The following PAFAH1B1 variants were observed in gnomAD, a reference collection of about 807,000 sequenced individuals.
PAFAH1B1 encodes platelet-activating factor acetylhydrolase IB subunit beta.
A neutral mutation model predicts 57.5 loss-of-function variants in PAFAH1B1; 2 were observed. The observed-to-expected ratio is 0.03, with a 90% CI of 0.01 to 0.11. PAFAH1B1 has a LOEUF of 0.11. Ranked by LOEUF, PAFAH1B1 falls within the 10% of genes least tolerant of loss-of-function variation. The pLI, the probability that PAFAH1B1 is intolerant of heterozygous loss-of-function variation, is 1.00. For synonymous variants in PAFAH1B1, 152 were observed against 169.6 expected (o/e 0.90, Z 0.81); for missense variants, 257 against 512.0 (o/e 0.50, Z 4.81).
At chr17:2,599,480 G>A (rs1366816359) in intron 1 of PAFAH1B1, among the ~76,000 whole-genome samples, 1 of 152,088 alleles carries the variant, frequency 6.6e-6, no homozygotes, top group African/African-American at 2.4e-5. Flanking sequence ...AAGGCTTTTG[G>A]CATTTGAGTA....
In PAFAH1B1 at chr17:2,650,332, CA is replaced by C. The variant is rs1420982769; in HGVS notation, c.32+12016del. Among the ~76,000 whole-genome samples, 4 of 152,066 alleles carry C rather than the reference CA, an allele frequency of 2.6e-5. No homozygotes were observed. In the East Asian group the frequency reaches 7.7e-4, roughly 29 times the overall value. ...TTCAAGACCAGCTTGGACAACATGG[CA>C]AAACCCCATCTCTACTGAAAATACG... On this transcript the variant is annotated intron_variant, in intron 2 of 10. Coordinates refer to ENST00000397195, the MANE Select transcript of PAFAH1B1 (RefSeq NM_000430.4).
At chr17:2,659,784 G>A (rs1369125391) in intron 2 of PAFAH1B1, among the ~76,000 whole-genome samples, 6 of 152,036 alleles carry the variant, frequency 3.9e-5, no homozygotes, top group Non-Finnish European at 5.9e-5. Context: ...TCAGTGAGCC[G>A]AGATCATGCC....
intron 1 of PAFAH1B1, among the ~76,000 whole-genome samples, chr17:2,607,682 C>G (rs1266694980): frequency 1.3e-5 from 2 of 152,022 alleles, no homozygotes; most frequent in African/African-American, 4.8e-5. Context: ...CAGGGTTTCA[C>G]CATGTTGGGG....
chr17:2,595,394 C>T (rs964421350), intron 1 of PAFAH1B1, among the ~76,000 whole-genome samples: 2 of 148,774 alleles, frequency 1.3e-5, no homozygotes. Context: ...TAATGTCATC[C>T]CTCCCTTTTT....
intron 1 of PAFAH1B1, among the ~76,000 whole-genome samples, chr17:2,618,515 G>A (rs2068376568): frequency 6.6e-6 from 1 of 152,062 alleles, no homozygotes; most frequent in South Asian, 2.1e-4. Context: ...TAATCTCATG[G>A]ATTTAGCTAA....
intron 2 of PAFAH1B1, among the ~76,000 whole-genome samples, chr17:2,658,097 TCTC>T (rs778867962): frequency 6.6e-6 from 1 of 152,070 alleles, no homozygotes; most frequent in Non-Finnish European, 1.5e-5. Context: ...TAAGGCAAAA[TCTC>T]CTCCTCTCTG....
chr17:2,677,577 G>A (rs546264042), intron 9 of PAFAH1B1, among the ~76,000 whole-genome samples: 10 of 152,266 alleles, frequency 6.6e-5, no homozygotes, highest in East Asian at 5.8e-4. Context: ...ACTCTCGGCC[G>A]GGCACGGTGG....
Position 2,667,093 on chromosome 17 carries a change from G to T in PAFAH1B1, c.294G>T (p.Pro98=), listed in dbSNP as rs150061782. ...KRDPKEWIPR[P]PEKYALSGHR... is the part of the protein sequence containing the mutation. ...ACCCAAAAGAATGGATTCCCCGTCCGCCAGAAAAATATGCATTGAGTGGTC... is the reference window on the plus strand; with the variant it reads ...ACCCAAAAGAATGGATTCCCCGTCCTCCAGAAAAATATGCATTGAGTGGTC... Residue 98 remains proline (P), a synonymous_variant, in exon 5 of 11, where the codon CCG becomes CCT. Transcript: ENST00000397195. 2 of 1,613,798 alleles carry T rather than the reference G, an allele frequency of 1.2e-6. No homozygotes were observed. Among genetic ancestry groups the T allele is most frequent in the South Asian group, 1.1e-5 (1 of 91,074 alleles).
chr17:2,647,866 T>C (rs1270904574), intron 2 of PAFAH1B1, among the ~76,000 whole-genome samples: 1 of 151,952 alleles, frequency 6.6e-6, no homozygotes, highest in Non-Finnish European at 1.5e-5. Flanking sequence ...TAGCCGGGCA[T>C]GGTGGCGGGC....
upstream of PAFAH1B1, among the ~76,000 whole-genome samples, chr17:2,593,575 T>G (rs556702074): frequency 6.8e-6 from 1 of 147,034 alleles, no homozygotes; most frequent in Non-Finnish European, 1.5e-5. Context: ...CCCCTCCCTC[T>G]TCCTGGCGGG....
rs35332619 is a variant in PAFAH1B1, at chr17:2,672,285, CAAAAA to C, written c.569-347_569-343del. Among the ~76,000 whole-genome samples, 31 of 69,592 alleles carry C rather than the reference CAAAAA, an allele frequency of 4.5e-4. 1 individual carries two copies. In the South Asian group the frequency reaches 0.015, roughly 34 times the overall value. The allele number at this position is 69,592 out of a possible 152,430, so 45.7% of individuals were successfully genotyped here. ...GGTAACAGAGCAAGTCCTTGCCTCA[CAAAAA>C]AAAAAAAAAAAAAAAAAAAAAATGT... On this transcript the variant is annotated intron_variant, in intron 6 of 10. Coordinates refer to ENST00000397195, the MANE Select transcript of PAFAH1B1 (RefSeq NM_000430.4).
chr17:2,631,387 A>G (rs945521761), intron 1 of PAFAH1B1, among the ~76,000 whole-genome samples: 2 of 152,102 alleles, frequency 1.3e-5, no homozygotes, highest in African/African-American at 4.8e-5. Flanking sequence ...TCTGGCCAGG[A>G]GGCTTCCCAC....
Position 2,683,623 on chromosome 17 carries a change from A to G in PAFAH1B1, c.*1821A>G, listed in dbSNP as rs2069420167. 2.0e-5 allele frequency: 3 copies of G among 152,500 alleles called. No individual in the cohort carries two copies. Among genetic ancestry groups the G allele is most frequent in the African/African-American group, 7.2e-5 (3 of 41,452 alleles). The allele number at this position is 152,500 out of a possible 1,614,324, so 9.4% of individuals were successfully genotyped here. A position where few individuals can be genotyped will look rare whatever the true frequency, so the allele number is the denominator to read the frequency against. The stretch of plus-strand genomic sequence containing the variant: ...GATGTCTCTGGAAGGGAAAGTTTTG[A>G]GAACTAATGGCTATTTTTGAGGACA... On this transcript the variant is annotated 3_prime_UTR_variant, in exon 11 of 11. Transcript: ENST00000397195.
At chr17:2,602,138 A>T (rs1455520610) in intron 1 of PAFAH1B1, among the ~76,000 whole-genome samples, 1 of 152,170 alleles carries the variant, frequency 6.6e-6, no homozygotes, top group Non-Finnish European at 1.5e-5. Flanking sequence ...GTAAAGATAA[A>T]AAAAAACCCC....
In PAFAH1B1 at chr17:2,676,618, T is replaced by A. The variant is rs745730592; in HGVS notation, c.1002+12T>A. 5 of 1,465,080 alleles carry A rather than the reference T, an allele frequency of 3.4e-6. No homozygotes were observed. Among genetic ancestry groups the A allele is most frequent in the Non-Finnish European group, 4.8e-6 (5 of 1,043,982 alleles). The allele number at this position is 1,465,080 out of a possible 1,614,324, so 90.8% of individuals were successfully genotyped here. On this transcript the variant is annotated intron_variant, in intron 9 of 10. Coordinates refer to ENST00000397195, the MANE Select transcript of PAFAH1B1 (RefSeq NM_000430.4). ...GCCTTATGACCCTCGTAAGTTTGCA[T>A]AATCTTACCATTTCTTTTGCATCTT...
chr17:2,671,450 G>A (rs1016156970), intron 6 of PAFAH1B1, among the ~76,000 whole-genome samples: 1 of 151,850 alleles, frequency 6.6e-6, no homozygotes, highest in Non-Finnish European at 1.5e-5. Flanking sequence ...CTCCTGATCT[G>A]CCTCAGCCTC....
chr17:2,602,813 T>C (rs1307692688), intron 1 of PAFAH1B1, among the ~76,000 whole-genome samples: 4 of 152,234 alleles, frequency 2.6e-5, no homozygotes, highest in Non-Finnish European at 5.9e-5. Flanking sequence ...ATTCGTTTAC[T>C]CCTCACAACA....
At chr17:2,610,011 G>T (rs1286292328) in intron 1 of PAFAH1B1, among the ~76,000 whole-genome samples, 1 of 152,196 alleles carries the variant, frequency 6.6e-6, no homozygotes, top group Non-Finnish European at 1.5e-5. Flanking sequence ...TTTTAGTAGA[G>T]GCAGGGTTTC....
chr17:2,606,338 A>G (rs531189224), intron 1 of PAFAH1B1, among the ~76,000 whole-genome samples: 2 of 152,206 alleles, frequency 1.3e-5, no homozygotes, highest in South Asian at 2.1e-4. Context: ...CCTATGCCCA[A>G]TGGAAAAAAA....
Sources: gnomAD v4.1 joint callset for allele counts (sites outside exome capture counted in the v4.1 genomes callset) on GRCh38, gnomAD v4.1.1 for gene constraint, MANE v1.5 for transcripts, NCBI Gene and HGNC (gene_info 2026-07-23, HGNC 2026-07-21) for gene names.